MAPK7: variants seen among roughly 807,000 people sequenced by gnomAD.
The protein encoded by MAPK7 is mitogen-activated protein kinase 7.
A neutral mutation model predicts 56.9 loss-of-function variants in MAPK7; 30 were observed. The observed-to-expected ratio is 0.53, with a 90% CI of 0.39 to 0.72. The LOEUF (loss-of-function observed/expected upper bound fraction) is 0.72. MAPK7 is among the 30% of genes least tolerant of loss of function. The pLI, the probability that MAPK7 is intolerant of heterozygous loss-of-function variation, is 0.00. For synonymous variants in MAPK7, 516 were observed against 449.3 expected, an observed-to-expected ratio of 1.15 and a Z score of -1.88; for missense variants, 952 against 1,110.8, an observed-to-expected ratio of 0.86 and a Z score of 2.03.
rs1361281610 is a variant in MAPK7, at chr17:19,379,480, G to C, written c.233-302G>C. Reference sequence around the variant, plus strand: ...GATGGGTGAGGTCTGAGATGGAGAGGGTGTAGGCATAAGAGGCTGAGCTAC... The same window carrying C: ...GATGGGTGAGGTCTGAGATGGAGAGCGTGTAGGCATAAGAGGCTGAGCTAC... On this transcript the variant is annotated intron_variant, in intron 2 of 6. Transcript: ENST00000395604. 8 of 554,352 alleles carry C rather than the reference G, an allele frequency of 1.4e-5. No individual in the cohort carries two copies. The East Asian group carries it at 2.4e-4, about 17-fold the overall frequency. 34.3% of individuals were successfully genotyped at this position (554,352 alleles called of 1,614,324 possible). A position where few individuals can be genotyped will look rare whatever the true frequency, so the allele number is the denominator to read the frequency against.
Position 19,380,598 on chromosome 17 carries a change from C to A in MAPK7, c.399-10C>A. 1 of 1,582,636 alleles carries A rather than the reference C, an allele frequency of 6.3e-7. No homozygotes were observed. Among genetic ancestry groups the A allele is most frequent in the Non-Finnish European group, 8.6e-7 (1 of 1,159,802 alleles). On this transcript the variant is annotated splice_polypyrimidine_tract_variant and intron_variant, in intron 3 of 6. Transcript: ENST00000395604. ...CCAACCCATGCTTCTCTCCTTCCTT[C>A]CCCTTCCAGCTACGTGGTCCTGGAC... is the stretch of plus-strand genomic sequence containing the variant.
intron 2 of MAPK7, 105 bp downstream of exon 2, chr17:19,379,237 C>T (rs1332796713): frequency 3.0e-6 from 3 of 999,926 alleles, no homozygotes; most frequent in Non-Finnish European, 4.4e-6. Context: ...CGAGTTCTGG[C>T]TCCAGTCAAC....
rs2152290746 is a variant in MAPK7 at position 19,379,571 on chromosome 17, C to T, written c.233-211C>T. The T allele has an allele frequency of 5.1e-6, 3 of 588,718 alleles. No homozygotes were observed. In the Admixed American group the frequency reaches 9.6e-5, roughly 19 times the overall value. 36.5% of individuals were successfully genotyped at this position (588,718 alleles called of 1,614,324 possible). ...CATATTTCCTTCTCTTTAACGTTGA[C>T]CTATTGGGACCTGCCCCGCAGGGGA... On this transcript the variant is annotated intron_variant, in intron 2 of 6. Coordinates refer to ENST00000395604, the MANE Select transcript of MAPK7 (RefSeq NM_002749.4).
Position 19,381,689 on chromosome 17 carries a change from G to T in MAPK7, c.1477+3G>T, listed in dbSNP as rs576672076. The T allele has an allele frequency of 6.4e-7, 1 of 1,574,326 alleles. No individual in the cohort carries two copies. The highest frequency in any genetic ancestry group is 8.6e-7 in the Non-Finnish European group (1 of 1,160,644). The stretch of plus-strand genomic sequence containing the variant: ...GTCTTTGAGGAGCCGGCTCAGAGGT[G>T]CCTTGTGGGCAGGTCGGGTGGGCAG... On this transcript the variant is annotated splice_donor_region_variant and intron_variant, in intron 4 of 6. Coordinates refer to ENST00000395604, the MANE Select transcript of MAPK7 (RefSeq NM_002749.4). This position sits in a 1 kb window ranked among gnomAD's most constrained non-coding sequence, Gnocchi z 4.6.
Position 19,381,582 on chromosome 17 carries a change from C to T in MAPK7, c.1373C>T (p.Pro458Leu), listed in dbSNP as rs766699229. 5.6e-6 allele frequency: 9 copies of T among 1,613,952 alleles called. No homozygotes were observed. The highest frequency in any genetic ancestry group is 7.6e-6 in the Non-Finnish European group (9 of 1,180,024). Residue 458 changes from proline (P) to leucine (L), a missense_variant, in exon 4 of 7, where the codon CCA becomes CTA. This residue lies in a region of MAPK7 where 429 missense variants were observed against 533.0 expected (regional missense o/e 0.80). Transcript: ENST00000395604. This position sits in a 1 kb window ranked among gnomAD's most constrained non-coding sequence, Gnocchi z 4.6. Reference sequence around the variant, plus strand: ...GATCTGACCCTGCAGCCACCTCCACCAGTCAGTGAGCCTGCCCCACCAAAG... The same window carrying T: ...GATCTGACCCTGCAGCCACCTCCACTAGTCAGTGAGCCTGCCCCACCAAAG... ...TIDLTLQPPP[P>L]VSEPAPPKKD...
chr17:19,380,655 A>G lies in MAPK7; in HGVS notation c.446A>G (p.His149Arg), dbSNP rs767680810. 6.2e-7 allele frequency: 1 copy of G among 1,611,448 alleles called. No individual in the cohort carries two copies. Among genetic ancestry groups the G allele is most frequent in the Non-Finnish European group, 8.5e-7 (1 of 1,178,172 alleles). The stretch of plus-strand genomic sequence containing the variant: ...GAAAGCGACCTGCACCAGATCATCC[A>G]CTCCTCACAGCCCCTCACACTGGAA... ...LMESDLHQII[H>R]SSQPLTLEHV... The change falls in exon 4 of 7, where the codon CAC becomes CGC. Residue 149 changes from histidine (H) to arginine (R), a missense_variant. Coordinates refer to ENST00000395604, the MANE Select transcript of MAPK7 (RefSeq NM_002749.4).
intron 5 of MAPK7, 32 bp from the exon 6 acceptor site, chr17:19,382,781 C>T (rs1598119246): frequency 6.2e-7 from 1 of 1,610,428 alleles, no homozygotes; most frequent in Non-Finnish European, 8.5e-7. Context: ...AGACCTCAGT[C>T]TGTCTGCATT....
upstream of MAPK7, chr17:19,377,881 C>A: frequency 1.0e-6 from 1 of 985,410 alleles, no homozygotes; most frequent in Non-Finnish European, 1.2e-6. Flanking sequence ...AAACCGCGAG[C>A]TGCAGTCCAA....
rs755904525 is a variant in MAPK7 at position 19,379,830 on chromosome 17, C to G, written c.281C>G (p.Thr94Ser). 1.2e-6 allele frequency: 2 copies of G among 1,614,214 alleles called. No individual in the cohort carries two copies. Among genetic ancestry groups the G allele is most frequent in the Non-Finnish European group, 1.7e-6 (2 of 1,180,040 alleles). ...KKIPNAFDVVTNAKRTLRELK... is the reference protein window; with the variant it reads ...KKIPNAFDVVSNAKRTLRELK... ...ATCCCTAATGCTTTCGATGTGGTGA[C>G]CAATGCCAAGCGGACCCTCAGGGAG... The change falls in exon 3 of 7, where the codon ACC becomes AGC. Residue 94 changes from threonine to serine, a missense_variant. Coordinates refer to ENST00000395604, the MANE Select transcript of MAPK7 (RefSeq NM_002749.4).
upstream of MAPK7, chr17:19,378,146 A>T (rs1479150828): frequency 1.0e-6 from 1 of 977,328 alleles, no homozygotes; most frequent in South Asian, 4.7e-5. This position sits in a 1 kb window ranked among gnomAD's most constrained non-coding sequence, Gnocchi z 5.4. Flanking sequence ...CAGTTCCCCG[A>T]GCTCACGGGA....
At position 19,383,329 on chromosome 17, in the gene MAPK7, C is replaced by T. The variant is rs749072223; in HGVS notation, c.*98C>T. 6.1e-5 allele frequency: 83 copies of T among 1,368,300 alleles called. No homozygotes were observed. The highest frequency in any genetic ancestry group is 8.0e-5 in the Non-Finnish European group (80 of 1,002,110). The allele number at this position is 1,368,300 out of a possible 1,614,324, so 84.8% of individuals were successfully genotyped here. ...AGCCCTGGACCCAGCAGGTGAGGCT[C>T]GGCTTGGATTATTCTGCAGGTTCAT... On this transcript the variant is annotated 3_prime_UTR_variant, in exon 7 of 7. Transcript: ENST00000395604.
Position 19,378,957 on chromosome 17 carries a change from G to A in MAPK7, c.57G>A (p.Gly19=). 1.2e-6 allele frequency: 2 copies of A among 1,601,802 alleles called. No individual in the cohort carries two copies. Among genetic ancestry groups the A allele is most frequent in the Middle Eastern group, 1.7e-4 (1 of 6,040 alleles). Residue 19 remains glycine (G), a synonymous_variant, in exon 2 of 7, where the codon GGG becomes GGA. Coordinates refer to ENST00000395604, the MANE Select transcript of MAPK7 (RefSeq NM_002749.4). This position sits in a 1 kb window ranked among gnomAD's most constrained non-coding sequence, Gnocchi z 5.4. ...AGGACGGCTCTGCGGAGCCCCCCGG[G>A]CCCGTGAAGGCCGAACCCGCCCACA... ...DGEDGSAEPP[G]PVKAEPAHTA... is the part of the protein sequence containing the mutation.
chr17:19,382,734 G>T, intron 5 of MAPK7, 79 bp from the exon 6 acceptor site: 1 of 1,553,526 alleles, frequency 6.4e-7, no homozygotes. Context: ...AGATATCCAG[G>T]CGGAGTAGTC....
upstream of MAPK7, chr17:19,378,483 C>G: frequency 4.8e-6 from 5 of 1,037,510 alleles, no homozygotes; most frequent in Non-Finnish European, 4.6e-6. The surrounding 1 kb of genome is among the most constrained non-coding windows in gnomAD (Gnocchi z 5.4). Flanking sequence ...GGAGGCGGGG[C>G]GGAGGGGGAC....
Position 19,378,679 on chromosome 17 carries a change from C to T in MAPK7, c.-6+49C>T, listed in dbSNP as rs1912320349. On this transcript the variant is annotated intron_variant, in intron 1 of 6. Transcript: ENST00000395604. The surrounding 1 kb of genome is among the most constrained non-coding windows in gnomAD (Gnocchi z 5.4). ...CAGGTGCCCCGCCCCTCCCTTTCTT[C>T]CTGGCCCGCGCCTCGCCTACCCCTC... 2.1e-6 allele frequency: 3 copies of T among 1,414,072 alleles called. No homozygotes were observed. Among genetic ancestry groups the T allele is most frequent in the Admixed American group, 3.0e-5 (1 of 33,252 alleles). 87.6% of individuals were successfully genotyped at this position (1,414,072 alleles called of 1,614,324 possible).
rs761803437 is a variant in MAPK7, at chr17:19,383,088, T to G, written c.2308T>G (p.Ser770Ala). Reference protein sequence around the residue: ...ADGPQDGQADSASLSASLLAD... With the variant: ...ADGPQDGQADAASLSASLLAD... ...TTCCTTCCCCTGCAGCCAGGCAGATTCAGCCTCTCTCTCAGCCTCCCTGCT... is the reference window on the plus strand; with the variant it reads ...TTCCTTCCCCTGCAGCCAGGCAGATGCAGCCTCTCTCTCAGCCTCCCTGCT... The change falls in exon 7 of 7, where the codon TCA becomes GCA. Residue 770 changes from serine to alanine, a missense_variant. Around this residue, in one of 5 missense-constraint regions of MAPK7, gnomAD observed 73 missense variants for 104.6 expected, o/e 0.70. Coordinates refer to ENST00000395604, the MANE Select transcript of MAPK7 (RefSeq NM_002749.4). The G allele has an allele frequency of 1.2e-6, 2 of 1,614,100 alleles. No individual in the cohort carries two copies. Among genetic ancestry groups the G allele is most frequent in the Non-Finnish European group, 1.7e-6 (2 of 1,179,992 alleles).
At position 19,378,913 on chromosome 17, in the gene MAPK7, C is replaced by A; in HGVS notation, c.13C>A (p.Leu5Met). MAEP[L>M]KEEDGEDGSA... is the part of the protein sequence containing the mutation. ...CCACACAGACACCATGGCCGAGCCT[C>A]TGAAGGAGGAAGACGGCGAGGACGG... Residue 5 changes from leucine to methionine, a missense_variant, in exon 2 of 7, where the codon CTG becomes ATG. By Grantham distance (15) the Leu-to-Met change is conservative. Coordinates refer to ENST00000395604, the MANE Select transcript of MAPK7 (RefSeq NM_002749.4). This position sits in a 1 kb window ranked among gnomAD's most constrained non-coding sequence, Gnocchi z 5.4. 1 of 1,572,634 alleles carries A rather than the reference C, an allele frequency of 6.4e-7. No homozygotes were observed. The highest frequency in any genetic ancestry group is 8.6e-7 in the Non-Finnish European group (1 of 1,158,268).
At position 19,381,081 on chromosome 17, in the gene MAPK7, C is replaced by T. The variant is rs1409034650; in HGVS notation, c.872C>T (p.Ala291Val). The change falls in exon 4 of 7, where the codon GCT (alanine) becomes GTT (valine). Residue 291 changes from alanine (A) to valine (V), a missense_variant. Around this residue, in one of 5 missense-constraint regions of MAPK7, gnomAD observed 429 missense variants for 533.0 expected, o/e 0.80. Transcript: ENST00000395604. This position sits in a 1 kb window ranked among gnomAD's most constrained non-coding sequence, Gnocchi z 4.6. ...PSPAVIQAVGAERVRAYIQSL... is the reference protein window; with the variant it reads ...PSPAVIQAVGVERVRAYIQSL... ...CCAGCCGTGATTCAGGCTGTGGGGG[C>T]TGAGAGGGTGCGGGCCTATATCCAG... 6.2e-7 allele frequency: 1 copy of T among 1,613,974 alleles called. No individual in the cohort carries two copies. Among genetic ancestry groups the T allele is most frequent in the East Asian group, 2.2e-5 (1 of 44,886 alleles).
Position 19,379,519 on chromosome 17 carries a change from C to T in MAPK7, c.233-263C>T, listed in dbSNP as rs947347665. Reference sequence around the variant, plus strand: ...AGGCTGAGCTACACCACTGGGCATCCGTGCAACCTCCAACAAGTTACTAAG... The same window carrying T: ...AGGCTGAGCTACACCACTGGGCATCTGTGCAACCTCCAACAAGTTACTAAG... On this transcript the variant is annotated intron_variant, in intron 2 of 6. Coordinates refer to ENST00000395604, the MANE Select transcript of MAPK7 (RefSeq NM_002749.4). 12 of 561,228 alleles carry T rather than the reference C, an allele frequency of 2.1e-5. No individual in the cohort carries two copies. The East Asian group carries it at 2.4e-4, about 11-fold the overall frequency. The allele number at this position is 561,228 out of a possible 1,614,324, so 34.8% of individuals were successfully genotyped here.
Sources: gnomAD v4.1 joint callset for allele counts on GRCh38, gnomAD v4.1.1 for gene constraint, gnomAD v4.1.1 regional missense constraint, Gnocchi (gnomAD v3.1) non-coding constraint, MANE v1.5 for transcripts, NCBI Gene and HGNC (gene_info 2026-07-23, HGNC 2026-07-21) for gene names.